The following DAB1 variants were observed in gnomAD, a reference collection of about 807,000 sequenced individuals.
The protein encoded by DAB1 is disabled homolog 1.
A neutral mutation model predicts 64.6 loss-of-function variants in DAB1; 15 were observed. That is an observed-to-expected ratio of 0.23 (90% CI 0.16 to 0.36). The LOEUF is 0.36. Among genes scored for constraint, DAB1 ranks in the 10% least tolerant of loss-of-function variants. DAB1 has a pLI of 1.00. For missense variants in DAB1, 596 were observed against 706.7 expected (o/e 0.84, Z 1.78); for synonymous variants, 235 against 251.9 (o/e 0.93, Z 0.64).
intron 2 of DAB1, among the ~76,000 whole-genome samples, chr1:57,266,843 G>A (rs1320384606): frequency 6.6e-6 from 1 of 152,124 alleles, no homozygotes; most frequent in African/African-American, 2.4e-5. Context: ...TGCAGGGGTA[G>A]GTTCATATAA....
intron 5 of DAB1, among the ~76,000 whole-genome samples, chr1:58,077,263 A>G (rs1014275297): frequency 1.1e-4 from 17 of 152,234 alleles, no homozygotes; most frequent in African/African-American, 4.1e-4. Context: ...GATTTGTCCA[A>G]GGTCACATAG....
chr1:57,950,257 T>C (rs111945965), intron 5 of DAB1, among the ~76,000 whole-genome samples: 3 of 152,254 alleles, frequency 2.0e-5, no homozygotes, highest in African/African-American at 4.8e-5. Flanking sequence ...TCTACCTCCT[T>C]GAAGGGTTAA....
intron 3 of DAB1, among the ~76,000 whole-genome samples, chr1:58,458,661 G>A (rs572637440): frequency 7.9e-4 from 121 of 152,238 alleles, no homozygotes; most frequent in African/African-American, 2.7e-3. Flanking sequence ...AAAATTAGCT[G>A]GGCATGGTGG....
intron 3 of DAB1, among the ~76,000 whole-genome samples, chr1:58,379,458 A>G (rs1235990915): frequency 1.3e-5 from 2 of 152,222 alleles, no homozygotes; most frequent in Admixed American, 6.5e-5. Context: ...ATCTACTGGA[A>G]ATATTCGCAC....
intron 6 of DAB1, among the ~76,000 whole-genome samples, chr1:57,803,407 T>G (rs1271732899): frequency 6.6e-6 from 1 of 152,164 alleles, no homozygotes; most frequent in African/African-American, 2.4e-5. Context: ...TCTCCTACGT[T>G]CCTTTCCTCT....
intron 1 of DAB1, among the ~76,000 whole-genome samples, chr1:57,330,785 A>G (rs961435940): frequency 2.6e-5 from 4 of 151,652 alleles, no homozygotes; most frequent in African/African-American, 4.8e-5. Flanking sequence ...GCTCCACACT[A>G]TGGTCCAGAC....
intron 7 of DAB1, among the ~76,000 whole-genome samples, chr1:57,536,692 G>GAA (rs35045042): frequency 1.1e-4 from 12 of 107,188 alleles, no homozygotes; most frequent in African/African-American, 3.4e-4. Flanking sequence ...ATGAGACAAG[G>GAA]AAAAAAAAAA....
intron 4 of DAB1, among the ~76,000 whole-genome samples, chr1:58,243,873 C>T (rs1419529486): frequency 6.6e-6 from 1 of 151,866 alleles, no homozygotes; most frequent in Admixed American, 6.6e-5. Context: ...AAACTCAGGC[C>T]CCTGAAATGC....
chr1:57,813,137 T>G (rs1481479815), intron 6 of DAB1, among the ~76,000 whole-genome samples: 1 of 152,230 alleles, frequency 6.6e-6, no homozygotes, highest in Non-Finnish European at 1.5e-5. Context: ...ATAATATAGA[T>G]GTCTAACAGG....
chr1:58,023,460 G>A (rs537929516), intron 5 of DAB1, among the ~76,000 whole-genome samples: 1 of 152,178 alleles, frequency 6.6e-6, no homozygotes, highest in South Asian at 2.1e-4. Flanking sequence ...TCTGGGGTGG[G>A]GTGTGGATAT....
rs1646827124 is a variant in DAB1, at chr1:57,695,388, GAAA to G, written n.552-45726_552-45724del. Among the ~76,000 whole-genome samples the G allele has an allele frequency of 2.9e-4, 23 of 78,646 alleles. 1 individual carries two copies. Among genetic ancestry groups the G allele is most frequent in the East Asian group, 9.0e-4 (2 of 2,226 alleles). The allele number at this position is 78,646 out of a possible 152,430, so 51.6% of individuals were successfully genotyped here. On this transcript the variant is annotated intron_variant and non_coding_transcript_variant, in intron 6 of 20. Transcript: ENST00000485760. ...AGAAAGAAAGAAAGAAAGAAAGAAA[GAAA>G]GAAAGAAAGAAAGAAAGAAAGAAAG...
At chr1:57,040,674 C>T (rs1244327753) in intron 9 of DAB1, among the ~76,000 whole-genome samples, 1 of 152,166 alleles carries the variant, frequency 6.6e-6, no homozygotes, top group Non-Finnish European at 1.5e-5. Context: ...AAAGGGGAAG[C>T]ATTTCTAAAA....
At chr1:58,418,487 A>G (rs1277054167) in intron 3 of DAB1, among the ~76,000 whole-genome samples, 1 of 152,170 alleles carries the variant, frequency 6.6e-6, no homozygotes. Flanking sequence ...ATATGTATGT[A>G]TGCATTCATT....
At chr1:57,565,813 A>T (rs1645113022) in intron 7 of DAB1, among the ~76,000 whole-genome samples, 1 of 152,208 alleles carries the variant, frequency 6.6e-6, no homozygotes, top group Non-Finnish European at 1.5e-5. Context: ...TAAGACTCCC[A>T]CACAATAATA....
chr1:58,053,689 A>G (rs916793251), intron 5 of DAB1, among the ~76,000 whole-genome samples: 7 of 152,226 alleles, frequency 4.6e-5, no homozygotes, highest in African/African-American at 1.7e-4. Flanking sequence ...AATATAGTAA[A>G]GATAATATAT....
At chr1:58,292,506 G>T (rs1187472446) in intron 4 of DAB1, among the ~76,000 whole-genome samples, 1 of 152,102 alleles carries the variant, frequency 6.6e-6, no homozygotes, top group Non-Finnish European at 1.5e-5. Context: ...AATAAAAAGA[G>T]AACCTGTCTT....
intron 1 of DAB1, among the ~76,000 whole-genome samples, chr1:57,305,771 C>T (rs182058693): frequency 6.6e-6 from 1 of 152,004 alleles, no homozygotes; most frequent in East Asian, 1.9e-4. Context: ...AGATCGAGAC[C>T]ATCCTGGCTA....
chr1:57,570,179 G>A (rs746403664), intron 7 of DAB1, among the ~76,000 whole-genome samples: 23 of 152,100 alleles, frequency 1.5e-4, no homozygotes, highest in African/African-American at 4.3e-4. Flanking sequence ...AGCTGCCAGC[G>A]AAGCTAGAAT....
At chr1:57,191,738 C>A (rs981522604) in intron 2 of DAB1, among the ~76,000 whole-genome samples, 1 of 152,096 alleles carries the variant, frequency 6.6e-6, no homozygotes, top group African/African-American at 2.4e-5. Flanking sequence ...TTATCATATA[C>A]CATGGTGTCT....
Sources: gnomAD v4.1 joint callset for allele counts (sites outside exome capture counted in the v4.1 genomes callset) on GRCh38, gnomAD v4.1.1 for gene constraint, MANE v1.5 for transcripts, NCBI Gene and HGNC (gene_info 2026-07-23, HGNC 2026-07-21) for gene names.